The following ACSL5 variants were observed in gnomAD, a reference collection of about 807,000 sequenced individuals.
ACSL5 encodes the protein long-chain-fatty-acid--CoA ligase 5.
ACSL5 carries 50 observed loss-of-function variants against 84.9 expected under a neutral mutation model. The observed-to-expected ratio is 0.59, with a 90% CI of 0.47 to 0.75. The LOEUF is 0.75. Among genes scored for constraint, ACSL5 ranks in the 30% least tolerant of loss-of-function variants. The probability of loss-of-function intolerance (pLI) is 0.00; values close to 1 mark genes in which losing one functional copy is unlikely to be tolerated. For synonymous variants in ACSL5, 280 were observed against 300.7 expected (o/e 0.93, Z 0.71); for missense variants, 775 against 830.4 (o/e 0.93, Z 0.82).
At chr10:112,376,162 C>G in intron 1 of ACSL5, 1 of 1,157,166 alleles carries the variant, frequency 8.6e-7, no homozygotes, top group Non-Finnish European at 1.2e-6. Flanking sequence ...CCCTCCTGGT[C>G]AGAACACTTC....
chr10:112,382,305 A>G (rs1849365716), intron 1 of ACSL5, among the ~76,000 whole-genome samples: 2 of 152,298 alleles, frequency 1.3e-5, no homozygotes, highest in South Asian at 4.1e-4. Context: ...TGTGGGATTG[A>G]ACACTGCAAA....
chr10:112,410,770 A>G, intron 9 of ACSL5, 135 bp downstream of exon 9: 1 of 844,578 alleles, frequency 1.2e-6, no homozygotes, highest in East Asian at 2.7e-5. Flanking sequence ...AAGGCTTCTA[A>G]GTGTGAATTC....
chr10:112,427,192 T>C (rs1224426352), intron 20 of ACSL5, 26 bp from the exon 21 acceptor site: 3 of 1,599,664 alleles, frequency 1.9e-6, no homozygotes, highest in African/African-American at 1.3e-5. Flanking sequence ...CTAATGAGCA[T>C]GGATGTGTGT....
At position 112,426,273 on chromosome 10, in the gene ACSL5, G is replaced by A. The variant is rs1374879428; in HGVS notation, c.1753G>A (p.Val585Met). The A allele has an allele frequency of 1.9e-6, 3 of 1,614,108 alleles. No individual in the cohort carries two copies. Among genetic ancestry groups the A allele is most frequent in the Non-Finnish European group, 8.5e-7 (1 of 1,179,950 alleles). Residue 585 changes from valine to methionine, a missense_variant, in exon 19 of 21, where the codon GTG becomes ATG. Transcript: ENST00000354655. ...GESLRSSLVGVVVPDTDVLPS... is the reference protein window; with the variant it reads ...GESLRSSLVGMVVPDTDVLPS... ...CTTTCCATAGTCATCCTTAGTAGGAGTGGTGGTTCCTGACACAGATGTACT... is the reference window on the plus strand; with the variant it reads ...CTTTCCATAGTCATCCTTAGTAGGAATGGTGGTTCCTGACACAGATGTACT...
rs202080257 is a variant in ACSL5, at chr10:112,409,513, T to C, written c.539T>C (p.Ile180Thr). Reference sequence around the variant, plus strand: ...GTTCTATTTTGGCTTCCAGCTGATATCGCCATGGTGATCTGTGACACACCC... The same window carrying C: ...GTTCTATTTTGGCTTCCAGCTGATACCGCCATGGTGATCTGTGACACACCC... The part of the protein sequence containing the change: ...AIVHIVNKAD[I>T]AMVICDTPQK... Residue 180 changes from isoleucine (I) to threonine (T), a missense_variant, in exon 7 of 21, where the codon ATC (isoleucine) becomes ACC (threonine). Ile to Thr is a moderately conservative substitution (Grantham distance 89, BLOSUM62 -1). Coordinates refer to ENST00000354655, the MANE Select transcript of ACSL5 (RefSeq NM_203379.2). 1.2e-5 allele frequency: 19 copies of C among 1,613,096 alleles called. No individual in the cohort carries two copies. The African/African-American group carries it at 1.3e-4, about 11-fold the overall frequency.
At chr10:112,416,267 T>G (rs555700497) in intron 12 of ACSL5, among the ~76,000 whole-genome samples, 2 of 152,012 alleles carry the variant, frequency 1.3e-5, no homozygotes, top group East Asian at 3.9e-4. Flanking sequence ...GTCAGGAGAT[T>G]GAGACCATCC....
At chr10:112,413,115 A>T (rs747328401) in intron 11 of ACSL5, 58 bp from the exon 12 acceptor site, 5 of 1,588,590 alleles carry the variant, frequency 3.1e-6, no homozygotes, top group Admixed American at 1.7e-5. Context: ...CTTCCAAGAC[A>T]GGTCCCCACT....
chr10:112,404,554 C>T lies in ACSL5; in HGVS notation c.309C>T (p.Tyr103=). 1 of 1,613,758 alleles carries T rather than the reference C, an allele frequency of 6.2e-7. No individual in the cohort carries two copies. The highest frequency in any genetic ancestry group is 8.5e-7 in the Non-Finnish European group (1 of 1,179,674). ...GATATAGAAAACCAAACCAGCCCTA[C>T]AGATGGCTATCTTACAAACAGGTAA... ...CLGYRKPNQP[Y]RWLSYKQVSD... Residue 103 remains tyrosine, a synonymous_variant, in exon 4 of 21, where the codon TAC becomes TAT. Coordinates refer to ENST00000354655, the MANE Select transcript of ACSL5 (RefSeq NM_203379.2).
At chr10:112,405,239 G>A (rs916307552) in intron 5 of ACSL5, among the ~76,000 whole-genome samples, 2 of 152,148 alleles carry the variant, frequency 1.3e-5, no homozygotes, top group African/African-American at 4.8e-5. Flanking sequence ...ACAGTGAGTT[G>A]GAAGCAGATT....
chr10:112,404,464 G>A, intron 3 of ACSL5, 47 bp from the exon 4 acceptor site: 1 of 1,478,938 alleles, frequency 6.8e-7, no homozygotes, highest in Non-Finnish European at 9.4e-7. Flanking sequence ...CCTTGGTCCA[G>A]AGAATTTGCA....
intron 3 of ACSL5, 136 bp from the exon 4 acceptor site, chr10:112,404,375 C>T (rs1243092979): frequency 1.2e-5 from 8 of 654,130 alleles, no homozygotes; most frequent in Non-Finnish European, 2.1e-5. Flanking sequence ...CTTTGAATTT[C>T]CTGGACATAT....
chr10:112,409,310 A>G (rs1289610836), intron 6 of ACSL5, 197 bp from the exon 7 acceptor site: 5 of 568,198 alleles, frequency 8.8e-6, no homozygotes, highest in Non-Finnish European at 1.2e-5. Flanking sequence ...GTTCAAGAAC[A>G]TGTGCTTCTG....
intron 1 of ACSL5, among the ~76,000 whole-genome samples, chr10:112,384,866 T>C (rs1180228056): frequency 6.6e-6 from 1 of 152,194 alleles, no homozygotes; most frequent in Non-Finnish European, 1.5e-5. Flanking sequence ...CACAAATGCG[T>C]ATATAATTCA....
chr10:112,383,897 A>G (rs927923106), intron 1 of ACSL5, among the ~76,000 whole-genome samples: 3 of 151,838 alleles, frequency 2.0e-5, no homozygotes, highest in African/African-American at 7.3e-5. Flanking sequence ...ACGCCTCCCT[A>G]ATTAAAACTC....
intron 18 of ACSL5, among the ~76,000 whole-genome samples, chr10:112,425,965 T>C (rs1284962486): frequency 6.6e-6 from 1 of 152,218 alleles, no homozygotes; most frequent in African/African-American, 2.4e-5. Flanking sequence ...TGCTTAAATG[T>C]AGCTTTTAGG....
chr10:112,392,469 C>T (rs11591311), intron 1 of ACSL5, among the ~76,000 whole-genome samples: 45,854 of 114,210 alleles, frequency 0.4, 7,885 homozygotes, highest in Middle Eastern at 0.45. Context: ...TGGCCAGGTA[C>T]GGTGGCTCAC....
At chr10:112,391,884 C>T (rs1357916234) in intron 1 of ACSL5, among the ~76,000 whole-genome samples, 5 of 152,138 alleles carry the variant, frequency 3.3e-5, no homozygotes, top group African/African-American at 2.4e-5. Flanking sequence ...CCCCTTGAGA[C>T]GCCATAGATT....
Position 112,411,498 on chromosome 10 carries a change from C to T in ACSL5, c.839C>T (p.Ser280Leu). 1 of 1,613,982 alleles carries T rather than the reference C, an allele frequency of 6.2e-7. No homozygotes were observed. The highest frequency in any genetic ancestry group is 8.5e-7 in the Non-Finnish European group (1 of 1,179,880). The change falls in exon 10 of 21, where the codon TCA (serine) becomes TTA (leucine). Residue 280 changes from serine to leucine, a missense_variant. By Grantham distance (145) the Ser-to-Leu change is moderately radical. Coordinates refer to ENST00000354655, the MANE Select transcript of ACSL5 (RefSeq NM_203379.2). ...ATGATAACCCATCAAAATATTGTTT[C>T]AAATGCTGCTGCCTTTCTCAAATGT... ...GAMITHQNIV[S>L]NAAAFLKCVE...
At chr10:112,380,193 C>T (rs1849322451) in intron 1 of ACSL5, among the ~76,000 whole-genome samples, 1 of 152,178 alleles carries the variant, frequency 6.6e-6, no homozygotes, top group African/African-American at 2.4e-5. Context: ...ACCTGAGCTC[C>T]TGTGGGATTT....
Sources: gnomAD v4.1 joint callset for allele counts (sites outside exome capture counted in the v4.1 genomes callset) on GRCh38, gnomAD v4.1.1 for gene constraint, MANE v1.5 for transcripts, NCBI Gene and HGNC (gene_info 2026-07-23, HGNC 2026-07-21) for gene names.